The following TULP4 variants were observed in gnomAD, a reference collection of about 807,000 sequenced individuals.
TULP4 encodes the protein TUB like protein 4, also known as tubby-related protein 4.
Under a neutral mutation model 129.0 loss-of-function variants are expected in TULP4, and 16 were observed. That is an observed-to-expected ratio of 0.12 (90% confidence interval 0.08 to 0.19). The LOEUF is 0.19. TULP4 is among the 10% of genes least tolerant of loss of function. The pLI is 1.00. For missense variants in TULP4, 1,842 were observed against 2,059.1 expected (o/e 0.89, Z 2.04); for synonymous variants, 998 against 854.0 (o/e 1.17, Z -2.94).
chr6:158,333,287 G>A (rs535460082), intron 1 of TULP4, among the ~76,000 whole-genome samples: 1 of 152,164 alleles, frequency 6.6e-6, no homozygotes, highest in Non-Finnish European at 1.5e-5. Context: ...TGGGGCCCTC[G>A]TGATGAGATT....
chr6:158,382,420 C>G (rs1383785712), intron 1 of TULP4, among the ~76,000 whole-genome samples: 1 of 152,070 alleles, frequency 6.6e-6, no homozygotes, highest in Non-Finnish European at 1.5e-5. Flanking sequence ...ACAAACCTTC[C>G]AACATTATAG....
intron 1 of TULP4, among the ~76,000 whole-genome samples, chr6:158,322,538 C>A (rs2128487616): frequency 6.6e-6 from 1 of 152,226 alleles, no homozygotes; most frequent in South Asian, 2.1e-4. Context: ...ACTCTATACC[C>A]TTTGTACTTA....
intron 1 of TULP4, among the ~76,000 whole-genome samples, chr6:158,407,410 T>G (rs548087661): frequency 1.3e-5 from 2 of 152,302 alleles, no homozygotes; most frequent in African/African-American, 4.8e-5. Context: ...CCATTGCTAG[T>G]GGGGATGTAA....
intron 2 of TULP4, among the ~76,000 whole-genome samples, chr6:158,421,639 A>G (rs1361587745): frequency 6.6e-6 from 1 of 152,198 alleles, no homozygotes. Flanking sequence ...TAGAATTGGG[A>G]GGGTCTGGAA....
At chr6:158,278,365 G>A (rs561067405), upstream of TULP4, among the ~76,000 whole-genome samples, 1 of 151,908 alleles carries the variant, frequency 6.6e-6, no homozygotes, top group African/African-American at 2.4e-5. Flanking sequence ...TGTTTAGAGG[G>A]GAAATGTAGA....
intron 1 of TULP4, chr6:158,237,789 A>G (rs938817087): frequency 1.3e-6 from 1 of 779,170 alleles, no homozygotes; most frequent in African/African-American, 1.7e-5. Flanking sequence ...GAGCCTCAAC[A>G]TCTACTTTTA....
chr6:158,324,195 T>A (rs7743916), intron 1 of TULP4, among the ~76,000 whole-genome samples: 1,836 of 152,336 alleles, frequency 0.012, 41 homozygotes, highest in African/African-American at 0.04. Flanking sequence ...AGAGAAAGGA[T>A]CTGCATAGTG....
chr6:158,424,416 A>C (rs1026908623), intron 2 of TULP4, among the ~76,000 whole-genome samples: 1 of 151,948 alleles, frequency 6.6e-6, no homozygotes, highest in Admixed American at 6.6e-5. Flanking sequence ...CACCTGGCTA[A>C]TTTTTGCATT....
At chr6:158,248,043 A>G (rs1377667383) in intron 1 of TULP4, among the ~76,000 whole-genome samples, 1 of 152,220 alleles carries the variant, frequency 6.6e-6, no homozygotes, top group Admixed American at 6.5e-5. Flanking sequence ...CACAAAACCC[A>G]TCAGCCAAAG....
intron 1 of TULP4, among the ~76,000 whole-genome samples, chr6:158,407,542 C>CAA (rs372326057): frequency 6.9e-5 from 10 of 145,798 alleles, no homozygotes; most frequent in African/African-American, 1.8e-4. Context: ...CATGTTTATA[C>CAA]AAAAAAAAAA....
In TULP4 at chr6:158,502,590, A is replaced by G. The variant is rs753958989; in HGVS notation, c.2927A>G (p.Gln976Arg). 8 of 1,602,152 alleles carry G rather than the reference A, an allele frequency of 5.0e-6. 2 individuals are homozygous for G. The South Asian group carries it at 8.8e-5, about 18-fold the overall frequency. ...CTGGCCCAGGGGCGGGGGGCTGCCC[A>G]GAGGTCCGACAATAGCCTCATCCAC... Reference protein sequence around the residue: ...SQLAQGRGAAQRSDNSLIHAT... With the variant: ...SQLAQGRGAARRSDNSLIHAT... The change falls in exon 13 of 14, where the codon CAG becomes CGG. Residue 976 changes from glutamine to arginine, a missense_variant. Coordinates refer to ENST00000367097, the MANE Select transcript of TULP4 (RefSeq NM_020245.5).
chr6:158,464,101 A>G (rs576308227), intron 6 of TULP4, among the ~76,000 whole-genome samples: 1 of 152,190 alleles, frequency 6.6e-6, no homozygotes, highest in Non-Finnish European at 1.5e-5. Context: ...CAAATTCTGT[A>G]CAATATTTAA....
chr6:158,243,325 T>G (rs1777961514), intron 1 of TULP4, among the ~76,000 whole-genome samples: 1 of 152,156 alleles, frequency 6.6e-6, no homozygotes, highest in Non-Finnish European at 1.5e-5. Context: ...ACTATTATCT[T>G]ACCTTAAAAA....
At chr6:158,423,873 C>A (rs1380691121) in intron 2 of TULP4, among the ~76,000 whole-genome samples, 1 of 152,072 alleles carries the variant, frequency 6.6e-6, no homozygotes, top group East Asian at 1.9e-4. Context: ...ATCTCCTGAC[C>A]TCGTGATCCG....
chr6:158,502,584 C>T lies in TULP4; in HGVS notation c.2921C>T (p.Ala974Val). 1.2e-6 allele frequency: 2 copies of T among 1,603,014 alleles called. No individual in the cohort carries two copies. Among genetic ancestry groups the T allele is most frequent in the Non-Finnish European group, 1.7e-6 (2 of 1,179,816 alleles). The change falls in exon 13 of 14, where the codon GCT becomes GTT. Residue 974 changes from alanine (A) to valine (V), a missense_variant. This residue lies in a region of TULP4 where 1,089 missense variants were observed against 987.1 expected (regional missense o/e 1.10). Coordinates refer to ENST00000367097, the MANE Select transcript of TULP4 (RefSeq NM_020245.5). ...IASQLAQGRGAAQRSDNSLIH... is the reference protein window; with the variant it reads ...IASQLAQGRGVAQRSDNSLIH... ...AGCCAGCTGGCCCAGGGGCGGGGGG[C>T]TGCCCAGAGGTCCGACAATAGCCTC...
intron 8 of TULP4, 77 bp from the exon 9 acceptor site, chr6:158,489,511 T>C (rs2274883): frequency 0.58 from 909,909 of 1,557,880 alleles, 268,054 homozygotes; most frequent in African/African-American, 0.68. Flanking sequence ...GTCTGTCTTT[T>C]AGTTTATAGT....
chr6:158,331,722 C>CGTATATATAT lies in TULP4; in HGVS notation c.252+17454_252+17455insGTATATATAT, dbSNP rs1562523116. ...ACACACACACACACACACACACACA[C>CGTATATATAT]ACACACATACGTATATATATACGTG... On this transcript the variant is annotated intron_variant, in intron 1 of 13. Transcript: ENST00000367097. Among the ~76,000 whole-genome samples the CGTATATATAT allele has an allele frequency of 1.1e-4, 4 of 36,578 alleles. 1 individual carries two copies. Among genetic ancestry groups the CGTATATATAT allele is most frequent in the Non-Finnish European group, 2.1e-4 (4 of 19,140 alleles). 24.0% of individuals were successfully genotyped at this position (36,578 alleles called of 152,430 possible).
At chr6:158,488,122 T>G (rs1198156361) in intron 8 of TULP4, among the ~76,000 whole-genome samples, 8 of 152,026 alleles carry the variant, frequency 5.3e-5, no homozygotes, top group Admixed American at 5.2e-4. Flanking sequence ...AATAGTAGTT[T>G]TGAGTGAAGG....
At position 158,371,670 on chromosome 6, in the gene TULP4, G is replaced by A. The variant is rs529479406; in HGVS notation, c.253-41395G>A. Reference sequence around the variant, plus strand: ...TGTTCCTTAAAGTGGTAGAAGTAAGGCCAAATACTTTAAGATAAAATAAGT... The same window carrying A: ...TGTTCCTTAAAGTGGTAGAAGTAAGACCAAATACTTTAAGATAAAATAAGT... On this transcript the variant is annotated intron_variant, in intron 1 of 13. Transcript: ENST00000367097. Among the ~76,000 whole-genome samples, 5 of 152,262 alleles carry A rather than the reference G, an allele frequency of 3.3e-5. 1 individual carries two copies. Among genetic ancestry groups the A allele is most frequent in the African/African-American group, 9.6e-5 (4 of 41,546 alleles).
Sources: allele counts gnomAD v4.1 joint callset (sites outside exome capture counted in the v4.1 genomes callset), GRCh38; gene constraint gnomAD v4.1.1; regional missense constraint gnomAD v4.1.1; transcripts MANE v1.5; gene names NCBI Gene and HGNC (gene_info 2026-07-23, HGNC 2026-07-21).